Variants in PCLO observed in about 807,000 individuals in gnomAD.
The protein encoded by PCLO is protein piccolo.
PCLO carries 82 observed loss-of-function variants against 427.5 expected under a neutral mutation model. That is an observed-to-expected ratio of 0.19 (90% CI 0.16 to 0.23). PCLO has a LOEUF of 0.23. Ranked by LOEUF, PCLO falls within the 10% of genes least tolerant of loss-of-function variation. The pLI is 1.00. For synonymous variants in PCLO, 2,357 were observed against 2,155.4 expected (o/e 1.09, Z -2.59); for missense variants, 6,239 against 6,115.9 (o/e 1.02, Z -0.67).
intron 3 of PCLO, among the ~76,000 whole-genome samples, chr7:83,001,150 C>G (rs746519804): frequency 6.6e-6 from 1 of 151,956 alleles, no homozygotes; most frequent in Non-Finnish European, 1.5e-5. Flanking sequence ...GACAAACTTA[C>G]TGCAGACACA....
chr7:82,982,310 G>C (rs931941387), intron 3 of PCLO, among the ~76,000 whole-genome samples: 11 of 152,082 alleles, frequency 7.2e-5, no homozygotes, highest in Admixed American at 1.3e-4. Flanking sequence ...AACTCATATA[G>C]AGTGGGGGAT....
intron 1 of PCLO, among the ~76,000 whole-genome samples, chr7:83,161,604 T>C (rs1389681831): frequency 1.3e-5 from 2 of 152,238 alleles, no homozygotes; most frequent in African/African-American, 2.4e-5. Context: ...TTTTTAAAAG[T>C]ATGTATTGAA....
At chr7:83,117,857 G>A (rs1189187845) in intron 3 of PCLO, among the ~76,000 whole-genome samples, 1 of 152,090 alleles carries the variant, frequency 6.6e-6, no homozygotes, top group Non-Finnish European at 1.5e-5. Flanking sequence ...CAAATCCCAG[G>A]ACAGATAATA....
chr7:83,131,474 C>T (rs11983001), intron 3 of PCLO, among the ~76,000 whole-genome samples: 3,125 of 152,134 alleles, frequency 0.021, 106 homozygotes, highest in African/African-American at 0.072. Context: ...TTCTCACAAC[C>T]GGAGAAACAG....
chr7:83,098,008 A>G (rs1205740332), intron 3 of PCLO, among the ~76,000 whole-genome samples: 1 of 152,168 alleles, frequency 6.6e-6, no homozygotes, highest in Non-Finnish European at 1.5e-5. Flanking sequence ...AATGTAAAAT[A>G]AACATTGAAA....
chr7:83,007,675 T>C (rs939859813), intron 3 of PCLO, among the ~76,000 whole-genome samples: 9 of 151,534 alleles, frequency 5.9e-5, no homozygotes, highest in Non-Finnish European at 1.2e-4. Flanking sequence ...TAGGGTAGAA[T>C]GTAAGAGTGT....
chr7:82,859,306 G>A (rs1792892941), intron 10 of PCLO, among the ~76,000 whole-genome samples: 1 of 152,202 alleles, frequency 6.6e-6, no homozygotes. Flanking sequence ...AAGATCCAGT[G>A]CTGTGCTGAC....
intron 3 of PCLO, among the ~76,000 whole-genome samples, chr7:83,102,587 T>C (rs1425234226): frequency 2.0e-5 from 3 of 151,980 alleles, no homozygotes; most frequent in South Asian, 2.1e-4. Flanking sequence ...TTAAAATCTA[T>C]GACATTTGGC....
At chr7:83,066,933 A>G (rs887042750) in intron 3 of PCLO, among the ~76,000 whole-genome samples, 2 of 152,174 alleles carry the variant, frequency 1.3e-5, no homozygotes, top group Non-Finnish European at 2.9e-5. Context: ...CAAAATTTGA[A>G]ATGTTCCAAA....
intron 22 of PCLO, among the ~76,000 whole-genome samples, chr7:82,799,040 T>C (rs1791287145): frequency 6.6e-6 from 1 of 152,206 alleles, no homozygotes; most frequent in Admixed American, 6.5e-5. Context: ...GTGGGACTGA[T>C]ATGAAAGAAG....
In PCLO at chr7:82,915,717, T is replaced by G. The variant is rs750973961; in HGVS notation, c.12269A>C (p.Glu4090Ala). Residue 4090 changes from glutamate (E) to alanine (A), a missense_variant, in exon 7 of 25, where the codon GAA (glutamate) becomes GCA (alanine). Glu to Ala is a moderately radical substitution (Grantham distance 107, BLOSUM62 -1). Coordinates refer to ENST00000333891, the MANE Select transcript of PCLO (RefSeq NM_033026.6). ...TAAAGGTGCTAGGAAATCTGTCACTTCTTGAGACCGGCGTGTCTCAGTGGT... is the reference window on the plus strand; with the variant it reads ...TAAAGGTGCTAGGAAATCTGTCACTGCTTGAGACCGGCGTGTCTCAGTGGT... Reference protein sequence around the residue: ...LRTTETRRSQEVTDFLAPLQS... With the variant: ...LRTTETRRSQAVTDFLAPLQS... 2 of 1,612,546 alleles carry G rather than the reference T, an allele frequency of 1.2e-6. No homozygotes were observed. Among genetic ancestry groups the G allele is most frequent in the African/African-American group, 2.7e-5 (2 of 75,034 alleles).
chr7:82,929,412 G>A lies in PCLO; in HGVS notation c.11113-12539C>T, dbSNP rs192632063. ...GTGGCAGTGCTGGGACTTAATCTAT[G>A]TTTGCCTAATGTTATTGCTCAAGTT... On this transcript the variant is annotated intron_variant, in intron 6 of 24. Coordinates refer to ENST00000333891, the MANE Select transcript of PCLO (RefSeq NM_033026.6). 3.9e-5 allele frequency among the ~76,000 whole-genome samples: 6 copies of A among 152,138 alleles called. No homozygotes were observed. The East Asian group carries it at 1.2e-3, about 29-fold the overall frequency.
chr7:82,770,256 T>TA (rs748388963), intron 22 of PCLO, among the ~76,000 whole-genome samples: 49 of 152,182 alleles, frequency 3.2e-4, no homozygotes, highest in African/African-American at 1.1e-3. Flanking sequence ...ATTCTTTTTT[T>TA]AAAAATTAGA....
chr7:82,965,736 A>G, intron 4 of PCLO, 35 bp downstream of exon 4: 1 of 1,399,506 alleles, frequency 7.1e-7, no homozygotes, highest in Non-Finnish European at 9.8e-7. Flanking sequence ...AATTTCACAC[A>G]TGAGAGTGTG....
chr7:82,956,757 T>C lies in PCLO; in HGVS notation c.4196A>G (p.Gln1399Arg). 1 of 1,613,894 alleles carries C rather than the reference T, an allele frequency of 6.2e-7. No homozygotes were observed. The highest frequency in any genetic ancestry group is 8.5e-7 in the Non-Finnish European group (1 of 1,179,838). Residue 1399 changes from glutamine to arginine, a missense_variant, in exon 5 of 25, where the codon CAA becomes CGA. Around this residue, in one of 5 missense-constraint regions of PCLO, gnomAD observed 4,677 missense variants for 4,468.4 expected, o/e 1.05. Coordinates refer to ENST00000333891, the MANE Select transcript of PCLO (RefSeq NM_033026.6). ...LKGLKKDSFS[Q>R]ESSPSSPSDL... ...TGAGGGGCTGGAAGGGCTGCTTTCT[T>C]GTGAAAAAGAGTCCTTTTTGAGTCC...
intron 3 of PCLO, among the ~76,000 whole-genome samples, chr7:82,980,957 A>G (rs547698388): frequency 6.6e-6 from 1 of 152,280 alleles, no homozygotes; most frequent in East Asian, 1.9e-4. Flanking sequence ...AAATTCAAAC[A>G]TAGAAATTAA....
intron 6 of PCLO, among the ~76,000 whole-genome samples, chr7:82,924,101 G>T (rs1392745427): frequency 6.6e-6 from 1 of 152,070 alleles, no homozygotes; most frequent in African/African-American, 2.4e-5. Context: ...TATTGATGAT[G>T]AGAATCCTAC....
intron 15 of PCLO, 41 bp downstream of exon 15, chr7:82,838,177 G>A (rs775427372): frequency 3.4e-6 from 5 of 1,459,410 alleles, no homozygotes; most frequent in East Asian, 4.7e-5. Context: ...CTATACTATT[G>A]TTTTAAAGCA....
chr7:82,797,310 C>G (rs1191439911), intron 22 of PCLO, among the ~76,000 whole-genome samples: 1 of 152,064 alleles, frequency 6.6e-6, no homozygotes, highest in Non-Finnish European at 1.5e-5. Context: ...GTTTAGGAGA[C>G]TTAATGGATC....
Sources: gnomAD v4.1 joint callset for allele counts (sites outside exome capture counted in the v4.1 genomes callset) on GRCh38, gnomAD v4.1.1 for gene constraint, gnomAD v4.1.1 regional missense constraint, MANE v1.5 for transcripts, NCBI Gene and HGNC (gene_info 2026-07-23, HGNC 2026-07-21) for gene names.